Variants in UBN2 observed in about 807,000 individuals in gnomAD.
The protein encoded by UBN2 is ubinuclein-2.
In UBN2, 35 loss-of-function variants were observed where a neutral mutation model predicts 120.2. That is an observed-to-expected ratio of 0.29 (90% confidence interval 0.22 to 0.39). The LOEUF is 0.39. UBN2 is among the 10% of genes least tolerant of loss of function. The probability of loss-of-function intolerance (pLI) is 1.00; values close to 1 mark genes in which losing one functional copy is unlikely to be tolerated. For synonymous variants in UBN2, 661 were observed against 648.7 expected, an observed-to-expected ratio of 1.02 and a Z score of -0.29; for missense variants, 1,693 against 1,663.2, an observed-to-expected ratio of 1.02 and a Z score of -0.31.
the UBN2 span, among the ~76,000 whole-genome samples, chr7:139,319,944 C>T: frequency 0.011 from 1,637 of 151,266 alleles, 31 homozygotes; most frequent in African/African-American, 0.038. Context: ...AGTGTGGTGG[C>T]GGGTGCCTGT....
At chr7:139,296,915 C>G (rs1798124815) in intron 17 of UBN2, among the ~76,000 whole-genome samples, 1 of 151,940 alleles carries the variant, frequency 6.6e-6, no homozygotes, top group Non-Finnish European at 1.5e-5. Context: ...AAAGAAAGAG[C>G]CAGGCGTGGT....
In UBN2 at chr7:139,281,877, G is replaced by GTTAC. The variant is rs1177970696; in HGVS notation, c.2068-127_2068-124dup. ...AGCAGACATTTGTGACCTTAATGCA[G>GTTAC]TTACACTTGTACTTCCAATTGGTAG... On this transcript the variant is annotated intron_variant, in intron 13 of 17. Transcript: ENST00000473989. The GTTAC allele has an allele frequency of 1.2e-4, 93 of 775,934 alleles. No homozygotes were observed. In the Admixed American group the frequency reaches 2.1e-3, roughly 18 times the overall value. The allele number at this position is 775,934 out of a possible 1,614,324, so 48.1% of individuals were successfully genotyped here.
intron 3 of UBN2, among the ~76,000 whole-genome samples, chr7:139,255,420 G>A (rs767176523): frequency 1.3e-5 from 2 of 152,122 alleles, no homozygotes; most frequent in Non-Finnish European, 2.9e-5. Flanking sequence ...ATTTTGATGG[G>A]TAATGTATTT....
At position 139,273,967 on chromosome 7, in the gene UBN2, A is replaced by T. The variant is rs377370674; in HGVS notation, c.1866A>T (p.Gly622=). 3.3e-5 allele frequency: 53 copies of T among 1,612,528 alleles called. No homozygotes were observed. Among genetic ancestry groups the T allele is most frequent in the Non-Finnish European group, 4.4e-5 (52 of 1,179,614 alleles). Residue 622 remains glycine (G), a synonymous_variant, in exon 11 of 18, where the codon GGA becomes GGT. Coordinates refer to ENST00000473989, the MANE Select transcript of UBN2 (RefSeq NM_173569.4). ...GTAACCTTGTTGAGATCAAATTGGG[A>T]TGCTATGAGTTAGAACCAAATAAAA... ...LLCNLVEIKL[G]CYELEPNKSQ...
chr7:139,323,889 T>C, the UBN2 span, among the ~76,000 whole-genome samples: 1 of 152,258 alleles, frequency 6.6e-6, no homozygotes, highest in Admixed American at 6.5e-5. Flanking sequence ...TTGGAGGCCA[T>C]GGTAGACCTA....
chr7:139,259,335 G>C lies in UBN2; in HGVS notation c.870G>C (p.Glu290Asp). The C allele has an allele frequency of 6.2e-7, 1 of 1,613,646 alleles. No homozygotes were observed. The highest frequency in any genetic ancestry group is 8.5e-7 in the Non-Finnish European group (1 of 1,179,926). ...AGCGGAAAGAGGAAGGGGAAAAGGAGAAGAAGCCAAGGAAAAAAGTTCCCA... is the reference window on the plus strand; with the variant it reads ...AGCGGAAAGAGGAAGGGGAAAAGGACAAGAAGCCAAGGAAAAAAGTTCCCA... ...KRKRKEEGEK[E>D]KKPRKKVPKQ... Residue 290 changes from glutamate (E) to aspartate (D), a missense_variant, in exon 5 of 18, where the codon GAG becomes GAC. Transcript: ENST00000473989.
At chr7:139,269,280 T>C in intron 7 of UBN2, 114 bp from the exon 8 acceptor site, 3 of 1,061,394 alleles carry the variant, frequency 2.8e-6, no homozygotes, top group Non-Finnish European at 4.0e-6. Context: ...GAATACTGTT[T>C]AGGAAATCAT....
Position 139,231,940 on chromosome 7 carries a change from C to A in UBN2, c.456C>A (p.Cys152Ter). The change falls in exon 1 of 18, where the codon TGC (cysteine) becomes TGA (stop). Residue 152 changes from cysteine to a stop codon, truncating the protein, a stop_gained. Transcript: ENST00000473989. LOFTEE classifies it high-confidence loss of function. ...VEFSYPELLL[C>*]GEQRKKLIHT... Reference sequence around the variant, plus strand: ...TCAGTTACCCGGAGCTGCTGCTGTGCGGAGAACAACGGGTACAGAAGATTC... The same window carrying A: ...TCAGTTACCCGGAGCTGCTGCTGTGAGGAGAACAACGGGTACAGAAGATTC... 1 of 1,581,364 alleles carries A rather than the reference C, an allele frequency of 6.3e-7. No homozygotes were observed. Among genetic ancestry groups the A allele is most frequent in the Non-Finnish European group, 8.5e-7 (1 of 1,170,500 alleles).
intron 14 of UBN2, 98 bp from the exon 15 acceptor site, chr7:139,282,926 A>G: frequency 3.6e-6 from 4 of 1,107,508 alleles, no homozygotes; most frequent in Non-Finnish European, 5.0e-6. Context: ...GTAGAAAAAC[A>G]ATTGTAATTG....
chr7:139,326,256 AAAACAAAC>A, the UBN2 span, among the ~76,000 whole-genome samples: 181 of 151,662 alleles, frequency 1.2e-3, 1 homozygote, highest in African/African-American at 2.7e-3. Flanking sequence ...ACTCTGTCTC[AAAACAAAC>A]AAACAAACAA....
At chr7:139,325,205 G>A in the UBN2 span, among the ~76,000 whole-genome samples, 1 of 150,292 alleles carries the variant, frequency 6.7e-6, no homozygotes, top group Non-Finnish European at 1.5e-5. Context: ...TTACAGGGGA[G>A]GAACAAGACT....
chr7:139,243,724 C>T (rs558537044), intron 2 of UBN2, among the ~76,000 whole-genome samples: 1 of 152,182 alleles, frequency 6.6e-6, no homozygotes, highest in South Asian at 2.1e-4. Flanking sequence ...GCAAACTGTA[C>T]CTAGAAAACT....
chr7:139,290,033 A>C (rs1001132934), intron 15 of UBN2, among the ~76,000 whole-genome samples: 2 of 152,142 alleles, frequency 1.3e-5, no homozygotes, highest in Non-Finnish European at 2.9e-5. Flanking sequence ...AGCTGGGATT[A>C]CAGGCATGCG....
downstream of UBN2, among the ~76,000 whole-genome samples, chr7:139,309,254 ATGAG>A (rs1798415469): frequency 6.6e-6 from 1 of 152,244 alleles, no homozygotes; most frequent in Admixed American, 6.5e-5. Context: ...GAGTGATGGT[ATGAG>A]TGCTTTTTAT....
At chr7:139,254,840 G>C (rs912543420) in intron 3 of UBN2, among the ~76,000 whole-genome samples, 1 of 152,198 alleles carries the variant, frequency 6.6e-6, no homozygotes, top group East Asian at 1.9e-4. Context: ...AAAGTACAGA[G>C]TTTCCATGAA....
intron 3 of UBN2, among the ~76,000 whole-genome samples, 157 bp from the exon 4 acceptor site, chr7:139,258,331 G>A (rs142117823): frequency 6.6e-6 from 1 of 152,094 alleles, no homozygotes; most frequent in East Asian, 1.9e-4. Flanking sequence ...ATTTCAGATA[G>A]TAACCTTTTC....
intron 13 of UBN2, among the ~76,000 whole-genome samples, chr7:139,279,865 A>G (rs1797552671): frequency 6.6e-6 from 1 of 152,244 alleles, no homozygotes; most frequent in Admixed American, 6.5e-5. Context: ...CCTTCAAACA[A>G]TAACATCTTT....
At chr7:139,320,075 CAA>C in the UBN2 span, among the ~76,000 whole-genome samples, 3 of 130,700 alleles carry the variant, frequency 2.3e-5, no homozygotes, top group African/African-American at 5.7e-5. Flanking sequence ...GACTCCGTCT[CAA>C]AAAAAAAAAA....
intron 16 of UBN2, 121 bp downstream of exon 16, chr7:139,293,584 T>C: frequency 1.1e-6 from 1 of 943,244 alleles, no homozygotes. Context: ...TTTTTTTTTT[T>C]TTTTTAAGAA....
Sources: allele counts gnomAD v4.1 joint callset (sites outside exome capture counted in the v4.1 genomes callset), GRCh38; gene constraint gnomAD v4.1.1; transcripts MANE v1.5; gene names NCBI Gene and HGNC (gene_info 2026-07-23, HGNC 2026-07-21).